Variants in FGF12 observed in about 807,000 individuals in gnomAD.
The protein encoded by FGF12 is fibroblast growth factor 12B.
Under a neutral mutation model 23.6 loss-of-function variants are expected in FGF12, and 14 were observed. That is an observed-to-expected ratio of 0.59 (90% confidence interval 0.39 to 0.93). FGF12 has a LOEUF of 0.93. FGF12 is among the 40% of genes least tolerant of loss of function. The pLI is 0.00. For missense variants in FGF12, 175 were observed against 217.8 expected, an observed-to-expected ratio of 0.80 and a Z score of 1.24; for synonymous variants, 62 against 77.3, an observed-to-expected ratio of 0.80 and a Z score of 1.04.
intron 2 of FGF12, among the ~76,000 whole-genome samples, chr3:192,523,355 C>A (rs952497207): frequency 1.2e-4 from 18 of 152,150 alleles, no homozygotes; most frequent in African/African-American, 4.1e-4. Context: ...TCCAAAGTGC[C>A]ATAAATCTGA....
chr3:192,300,826 G>A (rs1394018057), intron 4 of FGF12, among the ~76,000 whole-genome samples: 3 of 151,840 alleles, frequency 2.0e-5, no homozygotes, highest in African/African-American at 7.3e-5. Context: ...AGACCACCCT[G>A]GACAACATGG....
At position 192,141,249 on chromosome 3, in the gene FGF12, C is replaced by G. The variant is rs1011766642; in HGVS notation, c.*2760G>C. 1 of 151,074 alleles carries G rather than the reference C, an allele frequency of 6.6e-6. No individual in the cohort carries two copies. The highest frequency in any genetic ancestry group is 2.4e-5 in the African/African-American group (1 of 41,148). 9.4% of individuals were successfully genotyped at this position (151,074 alleles called of 1,614,324 possible). ...AAGAATTATTATACTTGAAATAAGC[C>G]TGAAAAACAAAGTACTTAAACTCAA... On this transcript the variant is annotated 3_prime_UTR_variant, in exon 6 of 6. Coordinates refer to ENST00000445105, the MANE Select transcript of FGF12 (RefSeq NM_004113.6).
In FGF12 at chr3:192,139,854, G is replaced by C. The variant is rs1296156069; in HGVS notation, c.*4155C>G. On this transcript the variant is annotated 3_prime_UTR_variant, in exon 6 of 6. Coordinates refer to ENST00000445105, the MANE Select transcript of FGF12 (RefSeq NM_004113.6). ...CCTGAAAAAGAAAGATCAGCATCTA[G>C]CATCCTTTTCCTATTCTTTCACCAC... is the stretch of plus-strand genomic sequence containing the variant. 1 of 151,948 alleles carries C rather than the reference G, an allele frequency of 6.6e-6. No homozygotes were observed. The highest frequency in any genetic ancestry group is 1.5e-5 in the Non-Finnish European group (1 of 67,902). The allele number at this position is 151,948 out of a possible 1,614,324, so 9.4% of individuals were successfully genotyped here.
rs75415391 is a variant in FGF12 at position 192,187,205 on chromosome 3, G to A, written c.229-16549C>T. 3.3e-3 allele frequency among the ~76,000 whole-genome samples: 503 copies of A among 152,250 alleles called. 8 individuals carry two copies. Among genetic ancestry groups the A allele is most frequent in the East Asian group, 0.031 (163 of 5,184 alleles). On this transcript the variant is annotated intron_variant, in intron 4 of 5. Coordinates refer to ENST00000445105, the MANE Select transcript of FGF12 (RefSeq NM_004113.6). ...AAAGCTGTATTTAAAACTACTGTGT[G>A]GGAGAGCAGAACAATATGTGAAGGA...
chr3:192,575,980 T>C (rs1413866782), intron 2 of FGF12, among the ~76,000 whole-genome samples: 1 of 152,212 alleles, frequency 6.6e-6, no homozygotes, highest in African/African-American at 2.4e-5. Context: ...GATTTTTTAC[T>C]TGCAATGAAA....
At chr3:192,418,789 T>A (rs541839507) in intron 2 of FGF12, among the ~76,000 whole-genome samples, 1 of 152,272 alleles carries the variant, frequency 6.6e-6, no homozygotes, top group East Asian at 1.9e-4. Flanking sequence ...TACACCATGA[T>A]CTTAAGTTTC....
chr3:192,634,893 T>A (rs1715523582), intron 2 of FGF12, among the ~76,000 whole-genome samples: 1 of 152,174 alleles, frequency 6.6e-6, no homozygotes, highest in Non-Finnish European at 1.5e-5. Context: ...AGAGTCTCAC[T>A]CTGTTTCCCA....
intron 2 of FGF12, among the ~76,000 whole-genome samples, chr3:192,428,014 C>A (rs1721746255): frequency 6.6e-6 from 1 of 152,150 alleles, no homozygotes; most frequent in Admixed American, 6.5e-5. Context: ...CCAACCAAAG[C>A]CAAAGGATGT....
chr3:192,430,365 G>A lies in FGF12; in HGVS notation c.14-69827C>T, dbSNP rs552387242. Among the ~76,000 whole-genome samples the A allele has an allele frequency of 3.9e-5, 6 of 152,272 alleles. No individual in the cohort carries two copies. The East Asian group carries it at 1.2e-3, about 29-fold the overall frequency. ...TGGTGGTTTCCAGGAGCTGGATAAGGGGAAAATGGGGAATAGCTGTTCGGT... is the reference window on the plus strand; with the variant it reads ...TGGTGGTTTCCAGGAGCTGGATAAGAGGAAAATGGGGAATAGCTGTTCGGT... On this transcript the variant is annotated intron_variant, in intron 2 of 5. Coordinates refer to ENST00000445105, the MANE Select transcript of FGF12 (RefSeq NM_004113.6).
At chr3:192,605,114 C>T (rs1424142172) in intron 2 of FGF12, among the ~76,000 whole-genome samples, 1 of 152,104 alleles carries the variant, frequency 6.6e-6, no homozygotes, top group East Asian at 1.9e-4. Context: ...GGCAGTGGCT[C>T]ACACCTTTAA....
At chr3:192,458,578 G>A (rs112411102) in intron 2 of FGF12, among the ~76,000 whole-genome samples, 7,280 of 152,202 alleles carry the variant, frequency 0.048, 603 homozygotes, top group African/African-American at 0.17. Flanking sequence ...CATTTGGAAT[G>A]GCTGTATTTA....
chr3:192,380,641 A>G (rs1719776318), intron 2 of FGF12, among the ~76,000 whole-genome samples: 1 of 152,198 alleles, frequency 6.6e-6, no homozygotes. Context: ...TAGTAAGGCA[A>G]AATCAGAAAA....
chr3:192,371,593 C>T (rs145444766), intron 2 of FGF12, among the ~76,000 whole-genome samples: 31 of 152,292 alleles, frequency 2.0e-4, no homozygotes, highest in East Asian at 1.5e-3. Flanking sequence ...GGAAAATCCA[C>T]GGTTAGTTAA....
chr3:192,584,194 A>C (rs558570223), intron 2 of FGF12, among the ~76,000 whole-genome samples: 8 of 152,302 alleles, frequency 5.3e-5, no homozygotes, highest in Middle Eastern at 3.4e-3. Flanking sequence ...TGTTTCTTTG[A>C]TACCTTTGTT....
chr3:192,421,996 T>C (rs1721544821), intron 2 of FGF12, among the ~76,000 whole-genome samples: 1 of 151,546 alleles, frequency 6.6e-6, no homozygotes, highest in Admixed American at 6.6e-5. Flanking sequence ...CATAAAGCTG[T>C]CCCTGTCATA....
intron 4 of FGF12, among the ~76,000 whole-genome samples, chr3:192,197,874 G>A (rs1241599530): frequency 4.0e-5 from 6 of 150,380 alleles, no homozygotes; most frequent in Non-Finnish European, 8.9e-5. Context: ...TGAACCCAGG[G>A]GACGGAGGTT....
At chr3:192,719,671 T>G (rs1043177693) in intron 2 of FGF12, among the ~76,000 whole-genome samples, 2 of 151,842 alleles carry the variant, frequency 1.3e-5, no homozygotes, top group Non-Finnish European at 2.9e-5. Flanking sequence ...ATAGTCTAAT[T>G]TTAAATTTTC....
intron 2 of FGF12, among the ~76,000 whole-genome samples, chr3:192,509,692 CAGG>C (rs1724412743): frequency 6.6e-6 from 1 of 152,162 alleles, no homozygotes; most frequent in Non-Finnish European, 1.5e-5. Flanking sequence ...CAACTAGCCT[CAGG>C]ACACACACTA....
At chr3:192,296,144 A>C (rs1715027952) in intron 4 of FGF12, among the ~76,000 whole-genome samples, 1 of 141,650 alleles carries the variant, frequency 7.1e-6, no homozygotes, top group African/African-American at 2.6e-5. Context: ...GACCTCAACC[A>C]ATCTACCTGA....
Sources: gnomAD v4.1 joint callset for allele counts (sites outside exome capture counted in the v4.1 genomes callset) on GRCh38, gnomAD v4.1.1 for gene constraint, MANE v1.5 for transcripts, NCBI Gene and HGNC (gene_info 2026-07-23, HGNC 2026-07-21) for gene names.